Variants in ACSM2B observed in about 807,000 individuals in gnomAD.
The protein encoded by ACSM2B is acyl-coenzyme A synthetase ACSM2B, mitochondrial.
A neutral mutation model predicts 78.6 loss-of-function variants in ACSM2B; 58 were observed. That is an observed-to-expected ratio of 0.74 (90% CI 0.60 to 0.92). The LOEUF is 0.92. ACSM2B is among the 40% of genes least tolerant of loss of function. The pLI, the probability that ACSM2B is intolerant of heterozygous loss-of-function variation, is 0.00. For synonymous variants in ACSM2B, 257 were observed against 256.8 expected, an observed-to-expected ratio of 1.00 and a Z score of -0.01; for missense variants, 688 against 711.2, an observed-to-expected ratio of 0.97 and a Z score of 0.37.
intron 6 of ACSM2B, among the ~76,000 whole-genome samples, chr16:20,550,594 T>C (rs2015284120): frequency 6.6e-6 from 1 of 152,184 alleles, no homozygotes; most frequent in Admixed American, 6.6e-5. Flanking sequence ...TATTTGAAGA[T>C]AATTTCCTAT....
At chr16:20,553,942 A>T (rs773944649) in intron 4 of ACSM2B, 22 bp from the exon 5 acceptor site, 12 of 1,612,736 alleles carry the variant, frequency 7.4e-6, no homozygotes, top group Non-Finnish European at 1.0e-5. Flanking sequence ...ACAGATTGTC[A>T]TTTTCTCAGA....
chr16:20,540,342 G>C (rs942448490), intron 13 of ACSM2B, among the ~76,000 whole-genome samples: 5 of 150,414 alleles, frequency 3.3e-5, no homozygotes, highest in Admixed American at 6.6e-5. Flanking sequence ...TCCCAGATTC[G>C]AGCGATTCTC....
At chr16:20,542,635 C>T (rs2015026567) in intron 12 of ACSM2B, 2 of 418,998 alleles carry the variant, frequency 4.8e-6, no homozygotes, top group South Asian at 8.6e-5. Context: ...ATTGCTGGAT[C>T]ATATGGTAGT....
At chr16:20,565,334 C>T (rs1425449347) in intron 1 of ACSM2B, among the ~76,000 whole-genome samples, 8 of 152,120 alleles carry the variant, frequency 5.3e-5, no homozygotes, top group East Asian at 1.9e-4. Flanking sequence ...TGGGATTCTA[C>T]GGTTCATCAG....
chr16:20,570,889 T>C (rs1265337032), intron 1 of ACSM2B, among the ~76,000 whole-genome samples: 3 of 151,958 alleles, frequency 2.0e-5, no homozygotes, highest in Non-Finnish European at 4.4e-5. Flanking sequence ...TGGATGATCT[T>C]TTGTATTTCT....
chr16:20,557,090 T>C (rs1357524362), intron 3 of ACSM2B, among the ~76,000 whole-genome samples: 1 of 152,060 alleles, frequency 6.6e-6, no homozygotes, highest in Non-Finnish European at 1.5e-5. Flanking sequence ...TGAAAGAGGT[T>C]GCTGGAGTTT....
At position 20,536,985 on chromosome 16, in the gene ACSM2B, T is replaced by C. The variant is rs1315851429; in HGVS notation, c.*273A>G. On this transcript the variant is annotated 3_prime_UTR_variant, in exon 14 of 14. Transcript: ENST00000329697. ...CTTCCCTCCCTACTTTATTTCTTTT[T>C]CAATTGCTTTCTCTTGCAGTTTTTA... is the stretch of plus-strand genomic sequence containing the variant. 2.9e-5 allele frequency: 9 copies of C among 309,602 alleles called. No individual in the cohort carries two copies. The Admixed American group carries it at 4.0e-4, about 14-fold the overall frequency. The allele number at this position is 309,602 out of a possible 1,614,324, so 19.2% of individuals were successfully genotyped here. A position where few individuals can be genotyped will look rare whatever the true frequency, so the allele number is the denominator to read the frequency against.
At chr16:20,566,656 A>ACATAT (rs1555459349) in intron 1 of ACSM2B, among the ~76,000 whole-genome samples, 1 of 40,998 alleles carries the variant, frequency 2.4e-5, no homozygotes, top group African/African-American at 2.1e-4. Context: ...TATACTATAT[A>ACATAT]TATGTATATA....
intron 13 of ACSM2B, among the ~76,000 whole-genome samples, chr16:20,537,612 A>G (rs1174884927): frequency 2.6e-5 from 4 of 152,192 alleles, no homozygotes; most frequent in Admixed American, 6.5e-5. Context: ...ACATGGCACA[A>G]CAGTCAGCCA....
chr16:20,566,240 T>C (rs1170925820), intron 1 of ACSM2B, among the ~76,000 whole-genome samples: 4 of 101,998 alleles, frequency 3.9e-5, no homozygotes, highest in African/African-American at 1.4e-4. Context: ...ACTGCCTTCA[T>C]GGAAGATTAT....
At chr16:20,565,828 C>A (rs1443394275) in intron 1 of ACSM2B, among the ~76,000 whole-genome samples, 1 of 151,916 alleles carries the variant, frequency 6.6e-6, no homozygotes, top group African/African-American at 2.4e-5. Flanking sequence ...CCCGTCATTT[C>A]CCCCAACTCC....
chr16:20,563,144 A>T (rs187399988), intron 2 of ACSM2B, among the ~76,000 whole-genome samples: 1,802 of 152,152 alleles, frequency 0.012, 37 homozygotes, highest in South Asian at 0.068. Context: ...AATTAAACTA[A>T]TTTTTCTGAA....
At chr16:20,568,057 C>T (rs1214595476) in intron 1 of ACSM2B, among the ~76,000 whole-genome samples, 1 of 142,450 alleles carries the variant, frequency 7.0e-6, no homozygotes, top group Non-Finnish European at 1.5e-5. Flanking sequence ...TCCTTCCAAG[C>T]TCATGGTGTC....
intron 3 of ACSM2B, among the ~76,000 whole-genome samples, chr16:20,556,097 G>A (rs1234276950): frequency 6.7e-6 from 1 of 148,896 alleles, no homozygotes; most frequent in African/African-American, 2.5e-5. Flanking sequence ...CATTTTTTTT[G>A]TGATGAGAAC....
At chr16:20,545,706 G>A (rs1295485570) in intron 9 of ACSM2B, among the ~76,000 whole-genome samples, 1 of 152,188 alleles carries the variant, frequency 6.6e-6, no homozygotes, top group Non-Finnish European at 1.5e-5. Context: ...TTATAGGAAT[G>A]AAATAAGATA....
chr16:20,556,566 C>A lies in ACSM2B; in HGVS notation c.389-1090G>T, dbSNP rs551952397. Among the ~76,000 whole-genome samples the A allele has an allele frequency of 1.6e-3, 247 of 152,286 alleles. 3 individuals carry two copies. Among genetic ancestry groups the A allele is most frequent in the South Asian group, 9.7e-3 (47 of 4,826 alleles). ...GCAGTGAGCCAAAATCGCACCACTG[C>A]ACTCCAGCCTGGACTACAGAGGGAG... On this transcript the variant is annotated intron_variant, in intron 3 of 13. Transcript: ENST00000329697.
Position 20,566,541 on chromosome 16 carries a change from ATAACTATATAC to A in ACSM2B, c.-8-1699_-8-1689del, listed in dbSNP as rs2015852472. On this transcript the variant is annotated intron_variant, in intron 1 of 13. Transcript: ENST00000329697. ...ATTACAAATATGTTATATATACTAT[ATAACTATATAC>A]TATATATAGTATATAAGGAGATATG... 2.8e-5 allele frequency among the ~76,000 whole-genome samples: 3 copies of A among 106,222 alleles called. No individual in the cohort carries two copies. The East Asian group carries it at 7.2e-4, about 26-fold the overall frequency. 69.7% of individuals were successfully genotyped at this position (106,222 alleles called of 152,430 possible). A position where few individuals can be genotyped will look rare whatever the true frequency, so the allele number is the denominator to read the frequency against.
At chr16:20,575,056 T>C (rs1596745662) in intron 1 of ACSM2B, among the ~76,000 whole-genome samples, 2 of 151,574 alleles carry the variant, frequency 1.3e-5, no homozygotes, top group African/African-American at 4.9e-5. Flanking sequence ...TATAACTCTT[T>C]AAACAGTTCA....
At chr16:20,565,253 A>C (rs2015789798) in intron 1 of ACSM2B, among the ~76,000 whole-genome samples, 1 of 152,152 alleles carries the variant, frequency 6.6e-6, no homozygotes, top group Admixed American at 6.6e-5. Context: ...TAGGAGGAAG[A>C]ATATGTATCC....
Sources: allele counts gnomAD v4.1 joint callset (sites outside exome capture counted in the v4.1 genomes callset), GRCh38; gene constraint gnomAD v4.1.1; transcripts MANE v1.5; gene names NCBI Gene and HGNC (gene_info 2026-07-23, HGNC 2026-07-21).